The following OMA1 variants were observed in gnomAD, a reference collection of about 807,000 sequenced individuals.
The protein encoded by OMA1 is OMA1 zinc metallopeptidase.
In OMA1, 38 loss-of-function variants were observed where a neutral mutation model predicts 30.9. The ratio of observed to expected loss-of-function variants is 1.23; its 90% confidence interval spans 0.95 to 1.61. The LOEUF (loss-of-function observed/expected upper bound fraction) is 1.61, where lower values mean the gene tolerates loss of function less well. OMA1 is among the 40% of genes most tolerant of loss of function. The pLI, the probability that OMA1 is intolerant of heterozygous loss-of-function variation, is 0.00. For synonymous variants in OMA1, 173 were observed against 121.9 expected, an observed-to-expected ratio of 1.42 and a Z score of -2.76; for missense variants, 461 against 349.2, an observed-to-expected ratio of 1.32 and a Z score of -2.55.
At chr1:58,483,899 T>C (rs1285356453) in intron 8 of OMA1, among the ~76,000 whole-genome samples, 1 of 152,318 alleles carries the variant, frequency 6.6e-6, no homozygotes, top group Non-Finnish European at 1.5e-5. Context: ...TATATCAGTG[T>C]AGTGCCTATG....
chr1:58,492,695 A>T (rs1204003358), intron 8 of OMA1, among the ~76,000 whole-genome samples: 1 of 152,230 alleles, frequency 6.6e-6, no homozygotes, highest in Non-Finnish European at 1.5e-5. Flanking sequence ...GGACACATAC[A>T]GTCTCCCAAG....
chr1:58,485,414 T>A (rs1044518865), intron 8 of OMA1, among the ~76,000 whole-genome samples: 1 of 151,870 alleles, frequency 6.6e-6, no homozygotes, highest in Non-Finnish European at 1.5e-5. Context: ...TGAGCTAGGT[T>A]TCTTTAATTG....
At chr1:58,503,718 C>G (rs1421576705) in intron 8 of OMA1, among the ~76,000 whole-genome samples, 7 of 151,946 alleles carry the variant, frequency 4.6e-5, no homozygotes, top group Non-Finnish European at 1.0e-4. Flanking sequence ...GGAAGTGGGC[C>G]CTCACCAGAC....
rs1468082359 is a variant in OMA1, at chr1:58,533,815, T to C, written c.1011+138A>G. The C allele has an allele frequency of 6.4e-6, 4 of 628,104 alleles. No homozygotes were observed. The East Asian group carries it at 1.1e-4, about 18-fold the overall frequency. The allele number at this position is 628,104 out of a possible 1,614,324, so 38.9% of individuals were successfully genotyped here. A position where few individuals can be genotyped will look rare whatever the true frequency, so the allele number is the denominator to read the frequency against. ...ATTAGCCAATCACGTTTTTTTCAGG[T>C]AGCAGATTAAGGCAATTACCCAAAA... On this transcript the variant is annotated intron_variant, in intron 5 of 8. Transcript: ENST00000371226.
intron 3 of OMA1, 132 bp from the exon 4 acceptor site, chr1:58,534,463 A>G: frequency 3.7e-6 from 2 of 534,110 alleles, no homozygotes; most frequent in Admixed American, 3.8e-5. Context: ...GCATATATTA[A>G]GCACTGAAAT....
intron 1 of OMA1, among the ~76,000 whole-genome samples, chr1:58,544,807 T>G (rs1646675515): frequency 6.6e-6 from 1 of 152,220 alleles, no homozygotes; most frequent in African/African-American, 2.4e-5. Flanking sequence ...TTGCCCAGGC[T>G]AGTCTCGAAC....
intron 7 of OMA1, among the ~76,000 whole-genome samples, chr1:58,512,067 C>A (rs900221431): frequency 2.6e-5 from 4 of 151,840 alleles, no homozygotes; most frequent in African/African-American, 4.8e-5. Context: ...AGCAAAAAAC[C>A]CAATTTAAAA....
At chr1:58,490,504 T>C (rs1477812795) in intron 8 of OMA1, among the ~76,000 whole-genome samples, 1 of 152,190 alleles carries the variant, frequency 6.6e-6, no homozygotes, top group Non-Finnish European at 1.5e-5. Flanking sequence ...TGGAACCAAG[T>C]TGGAAAACAC....
Position 58,481,070 on chromosome 1 carries a change from T to C in OMA1, c.1470A>G (p.Lys490=), listed in dbSNP as rs1355117796. ...GTTTCTTCGTGATATTTAGGTCTTC[T>C]TTCTCTGATTCTTCAAGAAAATGCT... The part of the protein sequence containing the change: ...STKHFLEESE[K]EDLNITKKQK... The change falls in exon 9 of 9, where the codon AAA becomes AAG. Residue 490 remains lysine (K), a synonymous_variant. Coordinates refer to ENST00000371226, the MANE Select transcript of OMA1 (RefSeq NM_145243.5). 8.0e-6 allele frequency: 7 copies of C among 872,132 alleles called. No individual in the cohort carries two copies. The East Asian group carries it at 1.4e-4, about 18-fold the overall frequency. The allele number at this position is 872,132 out of a possible 1,614,324, so 54.0% of individuals were successfully genotyped here. A position where few individuals can be genotyped will look rare whatever the true frequency, so the allele number is the denominator to read the frequency against.
chr1:58,484,896 C>A (rs1473662322), intron 8 of OMA1, among the ~76,000 whole-genome samples: 2 of 151,858 alleles, frequency 1.3e-5, no homozygotes, highest in African/African-American at 4.8e-5. Context: ...TTGCCAGGGG[C>A]TAGGGGGAGG....
At chr1:58,496,798 AG>A (rs1434549724) in intron 8 of OMA1, among the ~76,000 whole-genome samples, 1 of 152,206 alleles carries the variant, frequency 6.6e-6, no homozygotes, top group Non-Finnish European at 1.5e-5. Context: ...TTATTCCATT[AG>A]GGTTAATTTG....
At chr1:58,500,810 A>T (rs1014892802) in intron 8 of OMA1, among the ~76,000 whole-genome samples, 2 of 152,222 alleles carry the variant, frequency 1.3e-5, no homozygotes, top group Non-Finnish European at 2.9e-5. Flanking sequence ...GTGGAGAATA[A>T]GAAATTCAGT....
chr1:58,536,937 T>G (rs1646527971), intron 2 of OMA1, among the ~76,000 whole-genome samples, 196 bp from the exon 3 acceptor site: 1 of 152,184 alleles, frequency 6.6e-6, no homozygotes. Context: ...AAAGTTACAG[T>G]TAAAAAATTC....
chr1:58,533,938 A>C lies in OMA1; in HGVS notation c.1011+15T>G, dbSNP rs1007640740. 1.0e-5 allele frequency: 9 copies of C among 869,456 alleles called. No individual in the cohort carries two copies. The highest frequency in any genetic ancestry group is 1.8e-5 in the Non-Finnish European group (9 of 499,136). 53.9% of individuals were successfully genotyped at this position (869,456 alleles called of 1,614,324 possible). On this transcript the variant is annotated intron_variant, in intron 5 of 8. Transcript: ENST00000371226. ...GCAGTTTTTCCAAACCTGAACATTC[A>C]TTTTAGGTACTTACAGCATGCCCAA... is the stretch of plus-strand genomic sequence containing the variant.
At chr1:58,536,787 CAT>C in intron 2 of OMA1, 46 bp from the exon 3 acceptor site, 1 of 838,528 alleles carries the variant, frequency 1.2e-6, no homozygotes, top group South Asian at 1.4e-5. Flanking sequence ...CATTCCAGCA[CAT>C]ATCACTAAAG....
In OMA1 at chr1:58,519,452, G is replaced by A. The variant is rs959818665; in HGVS notation, c.1215+7809C>T. The stretch of plus-strand genomic sequence containing the variant: ...GCTTCCCCAAAGAAAGAGCTAGATC[G>A]CTGTCCTACAATCTTACAGTAGAGC... On this transcript the variant is annotated intron_variant, in intron 7 of 8. Transcript: ENST00000371226. 4.6e-5 allele frequency among the ~76,000 whole-genome samples: 7 copies of A among 152,060 alleles called. No homozygotes were observed. The East Asian group carries it at 5.8e-4, about 13-fold the overall frequency.
At chr1:58,512,059 C>CA (rs1226992415) in intron 7 of OMA1, among the ~76,000 whole-genome samples, 8 of 151,988 alleles carry the variant, frequency 5.3e-5, no homozygotes, top group Non-Finnish European at 8.8e-5. Flanking sequence ...AACTCAATAG[C>CA]AAAAAACCCA....
Position 58,480,867 on chromosome 1 carries a change from CTTTTT to C in OMA1, c.*93_*97del, listed in dbSNP as rs67922378. On this transcript the variant is annotated 3_prime_UTR_variant, in exon 9 of 9. Transcript: ENST00000371226. ...TGTACATGATTTGACCCTGAATATCCTTTTTTTTTTCACTTCAAACATCATTTTTT... is the reference window on the plus strand; with the variant it reads ...TGTACATGATTTGACCCTGAATATCCTTTTTCACTTCAAACATCATTTTTT... The C allele has an allele frequency of 3.4e-6, 2 of 583,774 alleles. No homozygotes were observed. The highest frequency in any genetic ancestry group is 3.8e-5 in the African/African-American group (2 of 52,778). 36.2% of individuals were successfully genotyped at this position (583,774 alleles called of 1,614,324 possible).
chr1:58,540,404 A>G (rs981141889), intron 1 of OMA1, among the ~76,000 whole-genome samples: 2 of 152,132 alleles, frequency 1.3e-5, no homozygotes, highest in African/African-American at 2.4e-5. Flanking sequence ...CAATTAGAAG[A>G]AATATCAATC....
Sources: gnomAD v4.1 joint callset for allele counts (sites outside exome capture counted in the v4.1 genomes callset) on GRCh38, gnomAD v4.1.1 for gene constraint, MANE v1.5 for transcripts, NCBI Gene and HGNC (gene_info 2026-07-23, HGNC 2026-07-21) for gene names.